ARHGAP28: variants seen among roughly 807,000 people sequenced by gnomAD.
The protein encoded by ARHGAP28 is rho GTPase-activating protein 28.
In ARHGAP28, 56 loss-of-function variants were observed where a neutral mutation model predicts 90.7. The ratio of observed to expected loss-of-function variants is 0.62; its 90% CI spans 0.50 to 0.77. ARHGAP28 has a LOEUF of 0.77. Among genes scored for constraint, ARHGAP28 ranks in the 30% least tolerant of loss-of-function variants. ARHGAP28 has a pLI of 0.00. For missense variants in ARHGAP28, 869 were observed against 900.9 expected (o/e 0.96, Z 0.45); for synonymous variants, 308 against 323.3 (o/e 0.95, Z 0.51).
chr18:6,895,905 C>T (rs2057301278), intron 15 of ARHGAP28, among the ~76,000 whole-genome samples: 2 of 152,182 alleles, frequency 1.3e-5, no homozygotes, highest in African/African-American at 2.4e-5. Context: ...TTATATAAAT[C>T]GTGTACATCA....
At chr18:6,857,051 G>T (rs2056959303) in intron 4 of ARHGAP28, among the ~76,000 whole-genome samples, 1 of 152,082 alleles carries the variant, frequency 6.6e-6, no homozygotes, top group Non-Finnish European at 1.5e-5. Flanking sequence ...ATGCTGCCCA[G>T]AACATTTATG....
Position 6,887,176 on chromosome 18 carries a change from A to G in ARHGAP28, c.1473A>G (p.Val491=), listed in dbSNP as rs1481131238. 1 of 1,614,066 alleles carries G rather than the reference A, an allele frequency of 6.2e-7. No individual in the cohort carries two copies. Among genetic ancestry groups the G allele is most frequent in the Non-Finnish European group, 8.5e-7 (1 of 1,180,016 alleles). Residue 491 remains valine, a synonymous_variant, in exon 12 of 18, where the codon GTA becomes GTG. Transcript: ENST00000383472. ...SLMERGPHVK[V]QFQALHLMVM... is the part of the protein sequence containing the mutation. ...TGTTAGGAGGGCCTCACGTCAAAGT[A>G]CAGTTTCAAGCCTTACACCTCATGG...
intron 3 of ARHGAP28, among the ~76,000 whole-genome samples, chr18:6,843,123 T>C (rs2056840127): frequency 6.6e-6 from 1 of 152,186 alleles, no homozygotes; most frequent in Non-Finnish European, 1.5e-5. Context: ...GAATAGTGTC[T>C]ATTAATGTGC....
At chr18:6,846,204 A>G (rs1310530993) in intron 3 of ARHGAP28, among the ~76,000 whole-genome samples, 1 of 152,044 alleles carries the variant, frequency 6.6e-6, no homozygotes, top group Non-Finnish European at 1.5e-5. Context: ...CTTTAACTTT[A>G]GTTTTTTTCC....
intron 12 of ARHGAP28, among the ~76,000 whole-genome samples, chr18:6,889,438 T>A (rs1263571510): frequency 6.6e-6 from 1 of 152,198 alleles, no homozygotes; most frequent in Non-Finnish European, 1.5e-5. Context: ...TTTAAATGAA[T>A]TTTCCTTTCC....
intron 16 of ARHGAP28, among the ~76,000 whole-genome samples, chr18:6,902,295 T>A (rs940605085): frequency 2.6e-5 from 4 of 152,358 alleles, no homozygotes; most frequent in Non-Finnish European, 2.9e-5. Context: ...ACAAATGTAC[T>A]ATATTAATAT....
intron 4 of ARHGAP28, among the ~76,000 whole-genome samples, chr18:6,854,014 C>A (rs895555945): frequency 6.6e-6 from 1 of 151,988 alleles, no homozygotes; most frequent in Non-Finnish European, 1.5e-5. Context: ...TTGACTGAGA[C>A]CTTTCTCAGT....
intron 3 of ARHGAP28, 64 bp downstream of exon 3, chr18:6,837,478 G>T: frequency 1.8e-6 from 2 of 1,105,738 alleles, no homozygotes; most frequent in Admixed American, 2.0e-5. Context: ...GGTAGGGTGG[G>T]GCTGGGGTGG....
At chr18:6,871,679 T>G (rs1159655756) in intron 7 of ARHGAP28, among the ~76,000 whole-genome samples, 1 of 152,136 alleles carries the variant, frequency 6.6e-6, no homozygotes. Flanking sequence ...CTGTGCTGAT[T>G]ACGGTTGGAT....
At chr18:6,749,511 A>C (rs1426954551) in intron 1 of ARHGAP28, among the ~76,000 whole-genome samples, 1 of 152,198 alleles carries the variant, frequency 6.6e-6, no homozygotes. Context: ...GATGTTAATC[A>C]ACTCAAGTCT....
chr18:6,893,787 G>T (rs2057283554), intron 14 of ARHGAP28, among the ~76,000 whole-genome samples: 2 of 151,076 alleles, frequency 1.3e-5, no homozygotes, highest in Non-Finnish European at 1.5e-5. Context: ...ATTTATAAAG[G>T]TTATAAATAC....
intron 1 of ARHGAP28, among the ~76,000 whole-genome samples, chr18:6,809,279 T>C (rs2056539850): frequency 1.3e-5 from 2 of 152,174 alleles, no homozygotes; most frequent in South Asian, 2.1e-4. Context: ...ATTGCTGTCA[T>C]AGTTGGAAAT....
intron 2 of ARHGAP28, among the ~76,000 whole-genome samples, chr18:6,833,737 G>A (rs897565046): frequency 6.6e-6 from 1 of 152,074 alleles, no homozygotes; most frequent in African/African-American, 2.4e-5. Context: ...TACATGCAAG[G>A]TTTCTCCAGT....
intron 14 of ARHGAP28, among the ~76,000 whole-genome samples, chr18:6,894,330 C>T (rs945531290): frequency 6.6e-6 from 1 of 152,196 alleles, no homozygotes; most frequent in Non-Finnish European, 1.5e-5. Flanking sequence ...TGTACAGGAA[C>T]ATGCAGGTGT....
At chr18:6,904,200 C>T (rs575732602) in intron 16 of ARHGAP28, among the ~76,000 whole-genome samples, 1 of 152,236 alleles carries the variant, frequency 6.6e-6, no homozygotes, top group South Asian at 2.1e-4. Context: ...TCGAGAGCAG[C>T]CTGGCCAACA....
intron 16 of ARHGAP28, among the ~76,000 whole-genome samples, chr18:6,904,561 A>G (rs1156740038): frequency 6.6e-6 from 1 of 152,194 alleles, no homozygotes; most frequent in African/African-American, 2.4e-5. Context: ...AGAGCAAAAT[A>G]TACCCGAAGG....
intron 4 of ARHGAP28, among the ~76,000 whole-genome samples, chr18:6,855,000 A>T (rs1320073129): frequency 6.6e-6 from 1 of 152,110 alleles, no homozygotes; most frequent in Non-Finnish European, 1.5e-5. Context: ...GGCCCCCCTC[A>T]GAACTTTGGG....
intron 1 of ARHGAP28, among the ~76,000 whole-genome samples, chr18:6,791,948 A>T (rs1442984934): frequency 6.6e-6 from 1 of 151,656 alleles, no homozygotes; most frequent in African/African-American, 2.4e-5. Context: ...ACAGGCACCC[A>T]CCACCATGCC....
intron 6 of ARHGAP28, 56 bp downstream of exon 6, chr18:6,868,290 C>G: frequency 6.9e-7 from 1 of 1,456,410 alleles, no homozygotes; most frequent in Middle Eastern, 1.7e-4. Flanking sequence ...TTTGTTCTGG[C>G]ACTCAATACA....
Sources: allele counts gnomAD v4.1 joint callset (sites outside exome capture counted in the v4.1 genomes callset), GRCh38; gene constraint gnomAD v4.1.1; transcripts MANE v1.5; gene names NCBI Gene and HGNC (gene_info 2026-07-23, HGNC 2026-07-21).